The following ASTN2 variants were observed in gnomAD, a reference collection of about 807,000 sequenced individuals.
The protein encoded by ASTN2 is astrotactin 2.
A neutral mutation model predicts 139.8 loss-of-function variants in ASTN2; 54 were observed. The ratio of observed to expected loss-of-function variants is 0.39; its 90% CI spans 0.31 to 0.48. The LOEUF is 0.48. Among genes scored for constraint, ASTN2 ranks in the 20% least tolerant of loss-of-function variants. The pLI, the probability that ASTN2 is intolerant of heterozygous loss-of-function variation, is 0.95. For missense variants in ASTN2, 1,565 were observed against 1,725.1 expected, an observed-to-expected ratio of 0.91 and a Z score of 1.64; for synonymous variants, 756 against 719.5, an observed-to-expected ratio of 1.05 and a Z score of -0.81.
intron 6 of ASTN2, among the ~76,000 whole-genome samples, chr9:117,024,388 A>T (rs1837989382): frequency 1.3e-5 from 2 of 151,674 alleles, no homozygotes; most frequent in Non-Finnish European, 2.9e-5. Flanking sequence ...CAGGAACGGT[A>T]TTAGATGTCT....
chr9:116,903,462 A>G (rs1171324998), intron 10 of ASTN2, among the ~76,000 whole-genome samples: 2 of 152,326 alleles, frequency 1.3e-5, no homozygotes, highest in African/African-American at 4.8e-5. Context: ...ACCTCTTGCA[A>G]TGTGACCTTG....
At chr9:117,171,942 G>C (rs1050806002) in intron 3 of ASTN2, among the ~76,000 whole-genome samples, 1 of 151,666 alleles carries the variant, frequency 6.6e-6, no homozygotes, top group Admixed American at 6.6e-5. Flanking sequence ...ACACTATATC[G>C]TAATTAAAAA....
At chr9:117,057,071 G>A (rs1839084960) in intron 5 of ASTN2, among the ~76,000 whole-genome samples, 1 of 152,162 alleles carries the variant, frequency 6.6e-6, no homozygotes, top group South Asian at 2.1e-4. Context: ...TGTTGGAACA[G>A]TTACTTAATT....
In ASTN2 at chr9:117,414,472, A is replaced by C; in HGVS notation, c.442+25T>G. On this transcript the variant is annotated intron_variant, in intron 1 of 22. Coordinates refer to ENST00000313400, the MANE Select transcript of ASTN2 (RefSeq NM_001365068.1). The surrounding 1 kb of genome is among the most constrained non-coding windows in gnomAD (Gnocchi z 4.2). ...AGGGGCTCGGGGTTCCTTGGGATCT[A>C]GCGCGTGCCGGCGCCCAGCCTTACC... 6.2e-7 allele frequency: 1 copy of C among 1,606,040 alleles called. No individual in the cohort carries two copies. The highest frequency in any genetic ancestry group is 8.5e-7 in the Non-Finnish European group (1 of 1,176,698).
chr9:116,899,674 A>G (rs1338763835), intron 10 of ASTN2, among the ~76,000 whole-genome samples: 1 of 152,312 alleles, frequency 6.6e-6, no homozygotes, highest in East Asian at 1.9e-4. Flanking sequence ...AGATAATAAC[A>G]GCTCCTTCCT....
chr9:116,569,937 A>G (rs1351141318), intron 19 of ASTN2, among the ~76,000 whole-genome samples: 1 of 152,200 alleles, frequency 6.6e-6, no homozygotes, highest in Non-Finnish European at 1.5e-5. Context: ...CGTCTAATTC[A>G]GAGTCTCCTT....
chr9:117,352,902 A>G (rs1455690808), intron 1 of ASTN2, among the ~76,000 whole-genome samples: 1 of 152,164 alleles, frequency 6.6e-6, no homozygotes, highest in Non-Finnish European at 1.5e-5. Flanking sequence ...TAAGTGATAG[A>G]AGCCAGATAC....
At chr9:117,412,943 G>A (rs1268918296) in intron 1 of ASTN2, among the ~76,000 whole-genome samples, 1 of 152,174 alleles carries the variant, frequency 6.6e-6, no homozygotes, top group South Asian at 2.1e-4. Flanking sequence ...AAGAGCTACT[G>A]GTTTGTGTGT....
chr9:116,869,972 G>A (rs1269651929), intron 10 of ASTN2, among the ~76,000 whole-genome samples: 4 of 149,024 alleles, frequency 2.7e-5, no homozygotes, highest in Non-Finnish European at 5.9e-5. Context: ...TTAGCCAGGT[G>A]TAGTGGTGTG....
chr9:116,817,989 T>G (rs1831378981), intron 12 of ASTN2, among the ~76,000 whole-genome samples: 1 of 152,006 alleles, frequency 6.6e-6, no homozygotes, highest in Non-Finnish European at 1.5e-5. Flanking sequence ...TAAGTTTCAA[T>G]CTCAACAACC....
chr9:116,961,878 G>A (rs919644258), intron 10 of ASTN2, among the ~76,000 whole-genome samples: 10 of 152,122 alleles, frequency 6.6e-5, no homozygotes, highest in South Asian at 2.1e-4. Context: ...TGACAACAAC[G>A]GTAGCCAATC....
chr9:117,372,649 G>A (rs1225419069), intron 1 of ASTN2, among the ~76,000 whole-genome samples: 1 of 152,078 alleles, frequency 6.6e-6, no homozygotes, highest in East Asian at 1.9e-4. Context: ...ACAATAAAAT[G>A]CCTGGCACAT....
At chr9:116,964,807 T>C (rs2132509238) in intron 10 of ASTN2, among the ~76,000 whole-genome samples, 1 of 152,294 alleles carries the variant, frequency 6.6e-6, no homozygotes, top group South Asian at 2.1e-4. Flanking sequence ...TTTCAGGAAA[T>C]GTATTGGTAA....
chr9:116,612,718 CA>C (rs1855611354), intron 19 of ASTN2: 1 of 152,006 alleles, frequency 6.6e-6, no homozygotes, highest in Non-Finnish European at 1.5e-5. Context: ...ACATTTAAAG[CA>C]GTGTGTAGAG....
At chr9:116,748,820 T>C (rs1829322222) in intron 13 of ASTN2, among the ~76,000 whole-genome samples, 1 of 152,192 alleles carries the variant, frequency 6.6e-6, no homozygotes, top group Admixed American at 6.5e-5. Flanking sequence ...TGTGTGATCT[T>C]GAGCAAGTCA....
intron 20 of ASTN2, among the ~76,000 whole-genome samples, chr9:116,463,297 G>C (rs1014373952): frequency 6.6e-6 from 1 of 151,992 alleles, no homozygotes; most frequent in African/African-American, 2.4e-5. Flanking sequence ...TTCTGAAATG[G>C]TTATCCAGTG....
chr9:117,282,387 G>A (rs1834345881), intron 2 of ASTN2, among the ~76,000 whole-genome samples: 1 of 152,168 alleles, frequency 6.6e-6, no homozygotes, highest in South Asian at 2.1e-4. Context: ...CTTTTCCTGA[G>A]CTGCCTCTTG....
intron 17 of ASTN2, among the ~76,000 whole-genome samples, chr9:116,649,662 T>C (rs1283998139): frequency 6.6e-6 from 1 of 152,090 alleles, no homozygotes; most frequent in East Asian, 1.9e-4. Flanking sequence ...CTACAGCTCA[T>C]TCATTTTGGT....
chr9:116,806,410 A>G (rs1831029471), intron 12 of ASTN2, among the ~76,000 whole-genome samples: 1 of 152,190 alleles, frequency 6.6e-6, no homozygotes, highest in Admixed American at 6.5e-5. Context: ...AGGTGTGGAA[A>G]CAATATTTGC....
Sources: gnomAD v4.1 joint callset for allele counts (sites outside exome capture counted in the v4.1 genomes callset) on GRCh38, gnomAD v4.1.1 for gene constraint, Gnocchi (gnomAD v3.1) non-coding constraint, MANE v1.5 for transcripts, NCBI Gene and HGNC (gene_info 2026-07-23, HGNC 2026-07-21) for gene names.